The following SHANK2 variants were observed in gnomAD, a reference collection of about 807,000 sequenced individuals.
The protein encoded by SHANK2 is SH3 and multiple ankyrin repeat domains 2.
A neutral mutation model predicts 133.7 loss-of-function variants in SHANK2; 43 were observed. The ratio of observed to expected loss-of-function variants is 0.32; its 90% CI spans 0.25 to 0.41. SHANK2 has a LOEUF of 0.41. Among genes scored for constraint, SHANK2 ranks in the 10% least tolerant of loss-of-function variants. The pLI is 1.00. For synonymous variants in SHANK2, 1,017 were observed against 952.8 expected, an observed-to-expected ratio of 1.07 and a Z score of -1.24; for missense variants, 1,994 against 2,235.8, an observed-to-expected ratio of 0.89 and a Z score of 2.18.
At chr11:70,686,203 T>TATCCATCCATCC (rs781907518) in intron 15 of SHANK2, among the ~76,000 whole-genome samples, 162 of 101,736 alleles carry the variant, frequency 1.6e-3, no homozygotes, top group Admixed American at 2.8e-3. Context: ...CCCATCCATC[T>TATCCATCCATCC]ATCCATCCAT....
At position 70,661,698 on chromosome 11, in the gene SHANK2, G is replaced by T. The variant is rs1555013389; in HGVS notation, c.1854-20C>A. The T allele has an allele frequency of 6.2e-7, 1 of 1,614,124 alleles. No individual in the cohort carries two copies. Among genetic ancestry groups the T allele is most frequent in the South Asian group, 1.1e-5 (1 of 91,074 alleles). On this transcript the variant is annotated intron_variant, in intron 15 of 25. Transcript: ENST00000601538. ...CAGTCACTGTAGAGAGAATTCCGGG[G>T]ACAGCGACCATTATTGTAGCCCGTC... is the stretch of plus-strand genomic sequence containing the variant.
intron 10 of SHANK2, among the ~76,000 whole-genome samples, chr11:70,938,765 G>A (rs1207741531): frequency 6.6e-6 from 1 of 152,152 alleles, no homozygotes; most frequent in Non-Finnish European, 1.5e-5. Flanking sequence ...TATGCAAAAT[G>A]CCAGAGGTCA....
At chr11:70,492,553 C>T (rs1023972820) in intron 21 of SHANK2, 88 bp from the exon 22 acceptor site, 17 of 1,553,382 alleles carry the variant, frequency 1.1e-5, no homozygotes, top group Non-Finnish European at 1.2e-5. Flanking sequence ...AGCAGCCACT[C>T]CAACATCCAA....
At chr11:70,785,470 G>T (rs1947628753) in intron 14 of SHANK2, among the ~76,000 whole-genome samples, 1 of 151,062 alleles carries the variant, frequency 6.6e-6, no homozygotes, top group Non-Finnish European at 1.5e-5. Flanking sequence ...CCTTTTTTTT[G>T]CCAGCTGGCC....
At chr11:71,124,165 CGATGATGGTGATGGT>C (rs1199044848) in intron 3 of SHANK2, among the ~76,000 whole-genome samples, 1 of 6,394 alleles carries the variant, frequency 1.6e-4, no homozygotes, top group Non-Finnish European at 4.1e-4. Flanking sequence ...ATTATGATAG[CGATGATGGTGATGGT>C]GATGATGGTG....
At chr11:70,824,928 A>G (rs1211362061) in intron 11 of SHANK2, among the ~76,000 whole-genome samples, 5 of 152,108 alleles carry the variant, frequency 3.3e-5, no homozygotes, top group Non-Finnish European at 7.4e-5. Flanking sequence ...GAGAGCCAAA[A>G]TCTCAAACAG....
chr11:70,674,326 C>A (rs1944868427), intron 15 of SHANK2, among the ~76,000 whole-genome samples: 1 of 152,116 alleles, frequency 6.6e-6, no homozygotes, highest in African/African-American at 2.4e-5. Flanking sequence ...TAGAGGCTGA[C>A]ACATTGTAAT....
chr11:70,542,801 T>C (rs1256327206), intron 17 of SHANK2, among the ~76,000 whole-genome samples: 1 of 152,190 alleles, frequency 6.6e-6, no homozygotes, highest in Non-Finnish European at 1.5e-5. Context: ...TGGCGGGGTT[T>C]CCAATGGGCC....
intron 8 of SHANK2, among the ~76,000 whole-genome samples, chr11:71,075,822 G>T (rs1951211401): frequency 1.3e-5 from 2 of 152,182 alleles, no homozygotes; most frequent in Admixed American, 6.5e-5. Flanking sequence ...TAAGTAAGTT[G>T]CAGGACGCAG....
At chr11:71,156,910 A>G (rs1202059614) in intron 2 of SHANK2, among the ~76,000 whole-genome samples, 3 of 152,198 alleles carry the variant, frequency 2.0e-5, no homozygotes, top group Non-Finnish European at 4.4e-5. Context: ...AGATCTTAGA[A>G]GCAAAAGCCA....
chr11:70,687,483 C>T (rs1555019891), intron 15 of SHANK2, among the ~76,000 whole-genome samples: 2 of 152,104 alleles, frequency 1.3e-5, no homozygotes, highest in African/African-American at 4.8e-5. Flanking sequence ...CTCACGTTGG[C>T]AGCTCGGAAT....
chr11:71,115,053 T>C (rs905846668), intron 4 of SHANK2, among the ~76,000 whole-genome samples: 2 of 152,196 alleles, frequency 1.3e-5, no homozygotes, highest in Non-Finnish European at 1.5e-5. Flanking sequence ...GCCCACCATA[T>C]TGTGCTGAAA....
intron 17 of SHANK2, among the ~76,000 whole-genome samples, chr11:70,528,782 G>T (rs2059431436): frequency 6.6e-6 from 1 of 151,978 alleles, no homozygotes; most frequent in Non-Finnish European, 1.5e-5. Context: ...GTGGGGGAGG[G>T]TGAAAGGTGA....
chr11:71,181,430 G>C (rs1166672097), intron 2 of SHANK2, among the ~76,000 whole-genome samples: 1 of 152,044 alleles, frequency 6.6e-6, no homozygotes, highest in African/African-American at 2.4e-5. Flanking sequence ...CGGAGCCCAG[G>C]AGTTCAGGGC....
At chr11:70,671,230 C>T (rs975159703) in intron 15 of SHANK2, among the ~76,000 whole-genome samples, 20 of 152,118 alleles carry the variant, frequency 1.3e-4, no homozygotes, top group African/African-American at 2.2e-4. Context: ...ATGATCATGA[C>T]GGGGTGTGAT....
chr11:70,797,411 C>A (rs1947937412), intron 14 of SHANK2, among the ~76,000 whole-genome samples: 1 of 152,202 alleles, frequency 6.6e-6, no homozygotes, highest in South Asian at 2.1e-4. Flanking sequence ...GACTCATCAG[C>A]AGGGAAGCTG....
intron 17 of SHANK2, among the ~76,000 whole-genome samples, chr11:70,659,099 C>T (rs1024670531): frequency 5.9e-5 from 9 of 152,140 alleles, no homozygotes; most frequent in African/African-American, 1.7e-4. Context: ...CACAAAAAGG[C>T]GAGGTGATCA....
At chr11:70,896,698 T>C in intron 10 of SHANK2, 131 bp from the exon 11 acceptor site, 1 of 616,882 alleles carries the variant, frequency 1.6e-6, no homozygotes, top group South Asian at 2.0e-5. Flanking sequence ...AGCCGCAATA[T>C]CAACACTCAT....
At chr11:70,515,728 G>A (rs1458365838) in intron 17 of SHANK2, among the ~76,000 whole-genome samples, 1 of 151,898 alleles carries the variant, frequency 6.6e-6, no homozygotes, top group African/African-American at 2.4e-5. Flanking sequence ...GCTGAGGTGG[G>A]AGGATCCCTT....
Sources: gnomAD v4.1 joint callset for allele counts (sites outside exome capture counted in the v4.1 genomes callset) on GRCh38, gnomAD v4.1.1 for gene constraint, MANE v1.5 for transcripts, NCBI Gene and HGNC (gene_info 2026-07-23, HGNC 2026-07-21) for gene names.